POF1B: variants seen among roughly 807,000 people sequenced by gnomAD.
POF1B encodes protein POF1B.
In POF1B, 53 loss-of-function variants were observed where a neutral mutation model predicts 55.3. The ratio of observed to expected loss-of-function variants is 0.96; its 90% CI spans 0.77 to 1.20. The LOEUF is 1.20. Among genes scored for constraint, POF1B ranks in the 50% most tolerant of loss-of-function variants. The pLI is 0.00. For missense variants in POF1B, 478 were observed against 420.5 expected, an observed-to-expected ratio of 1.14 and a Z score of -1.20; for synonymous variants, 188 against 148.3, an observed-to-expected ratio of 1.27 and a Z score of -1.95.
intron 7 of POF1B, among the ~76,000 whole-genome samples, chrX:85,321,625 T>G (rs1247915430): frequency 9.4e-6 from 1 of 106,668 alleles, no homozygotes; most frequent in African/African-American, 3.5e-5. Flanking sequence ...ATAAAGGGTA[T>G]TCAATTAGGA....
intron 4 of POF1B, 96 bp from the exon 5 acceptor site, chrX:85,351,547 G>A (rs1454855785): frequency 1.1e-5 from 6 of 558,827 alleles, no homozygotes; most frequent in Non-Finnish European, 1.5e-5. Flanking sequence ...AGGCTCTGAA[G>A]TACTGGCTGA....
At chrX:85,301,204 A>T (rs1180852656) in intron 15 of POF1B, among the ~76,000 whole-genome samples, 2 of 111,638 alleles carry the variant, frequency 1.8e-5, no homozygotes, top group Non-Finnish European at 3.8e-5. Context: ...CTTGACACAT[A>T]ATAATCAAAC....
chrX:85,304,328 C>T lies in POF1B; in HGVS notation c.1566+15G>A, dbSNP rs780312675. ...TTGTATTACTTTTCTCCATCCCCAC[C>T]CCTTCCTTTTATACCTCTGACTGAC... On this transcript the variant is annotated intron_variant, in intron 14 of 16. Transcript: ENST00000262753. 1.8e-5 allele frequency: 21 copies of T among 1,167,611 alleles called. No individual in the cohort carries two copies. The highest frequency in any genetic ancestry group is 1.2e-4 in the East Asian group (4 of 32,397).
At position 85,359,566 on chromosome X, in the gene POF1B, A is replaced by G. The variant is rs765496116; in HGVS notation, c.422T>C (p.Val141Ala). Reference sequence around the variant, plus strand: ...GTGTCTTACCTGTTCAGGATTTTGTACTACATATTTCCTAATAGTGGTCTG... The same window carrying G: ...GTGTCTTACCTGTTCAGGATTTTGTGCTACATATTTCCTAATAGTGGTCTG... ...YPQTTIRKYV[V>A]QNPEQEPLSQ... The change falls in exon 4 of 17, where the codon GTA (valine) becomes GCA (alanine). Residue 141 changes from valine to alanine, a missense_variant. By Grantham distance (64) the Val-to-Ala change is moderately conservative. Transcript: ENST00000262753. 40 of 1,195,018 alleles carry G rather than the reference A, an allele frequency of 3.3e-5. No homozygotes were observed. The highest frequency in any genetic ancestry group is 4.3e-5 in the Non-Finnish European group (38 of 885,149).
intron 11 of POF1B, 85 bp from the exon 12 acceptor site, chrX:85,306,418 T>A (rs1286780991): frequency 1.0e-6 from 1 of 959,904 alleles, no homozygotes; most frequent in African/African-American, 2.0e-5. Context: ...TTCAATTGAA[T>A]CAAGTAAATA....
intron 15 of POF1B, among the ~76,000 whole-genome samples, chrX:85,289,887 G>T (rs1468255383): frequency 2.7e-5 from 3 of 111,376 alleles, no homozygotes; most frequent in Non-Finnish European, 5.7e-5. Context: ...TATAAAACTT[G>T]CAAATAAAGA....
At chrX:85,356,930 T>A (rs894782855) in intron 4 of POF1B, among the ~76,000 whole-genome samples, 2 of 111,756 alleles carry the variant, frequency 1.8e-5, no homozygotes, top group African/African-American at 6.5e-5. Context: ...GAAACTTTTT[T>A]AAAAAAGATT....
At chrX:85,379,560 G>A (rs978326734) in intron 1 of POF1B, 65 bp from the exon 2 acceptor site, 27 of 878,048 alleles carry the variant, frequency 3.1e-5, no homozygotes, top group Non-Finnish European at 4.1e-5. Flanking sequence ...CAGGCAGGCA[G>A]ACAGACACAC....
In POF1B at chrX:85,303,408, TTTAGTGGTA is replaced by T; in HGVS notation, c.1638_1646del (p.Thr547_Lys549del). 8.8e-7 allele frequency: 1 copy of T among 1,132,359 alleles called. No homozygotes were observed. Among genetic ancestry groups the T allele is most frequent in the Non-Finnish European group, 1.2e-6 (1 of 835,233 alleles). The allele number at this position is 1,132,359 out of a possible 1,213,427, so 93.3% of individuals were successfully genotyped here. A position where few individuals can be genotyped will look rare whatever the true frequency, so the allele number is the denominator to read the frequency against. On this transcript the variant is annotated inframe_deletion, in exon 15 of 17. Coordinates refer to ENST00000262753, the MANE Select transcript of POF1B (RefSeq NM_024921.4). ...AATTTCATTTAAAAATACATTACTTTTTAGTGGTAATAGTAGTCCTTCCACCAGTGGAGG... is the reference window on the plus strand; with the variant it reads ...AATTTCATTTAAAAATACATTACTTTATAGTAGTCCTTCCACCAGTGGAGG...
chrX:85,330,322 GATA>G (rs1348418851), intron 7 of POF1B, among the ~76,000 whole-genome samples: 4 of 110,430 alleles, frequency 3.6e-5, no homozygotes, highest in Non-Finnish European at 7.6e-5. Flanking sequence ...TAATGTAATA[GATA>G]ATAATATACA....
chrX:85,303,039 T>C (rs1198807897), intron 15 of POF1B, among the ~76,000 whole-genome samples: 1 of 111,590 alleles, frequency 9.0e-6, no homozygotes, highest in African/African-American at 3.2e-5. Flanking sequence ...AGGCATATTT[T>C]GAACACACAA....
chrX:85,367,667 T>G (rs1286651757), intron 3 of POF1B, 25 bp downstream of exon 3: 1 of 1,076,443 alleles, frequency 9.3e-7, no homozygotes, highest in Non-Finnish European at 1.3e-6. Context: ...GGAACAAATC[T>G]AATGTAATTC....
At chrX:85,298,819 A>G (rs73234687) in intron 15 of POF1B, among the ~76,000 whole-genome samples, 10,989 of 110,878 alleles carry the variant, frequency 0.099, 536 homozygotes, top group South Asian at 0.17. Context: ...CTGTAACCCC[A>G]ACACTTTGAG....
chrX:85,311,587 A>G (rs1006787298), intron 9 of POF1B, among the ~76,000 whole-genome samples: 2 of 111,837 alleles, frequency 1.8e-5, no homozygotes, highest in Non-Finnish European at 3.8e-5. Flanking sequence ...CTAGTCTATC[A>G]TTGATGGGCA....
chrX:85,304,068 T>C (rs1047593913), intron 14 of POF1B, among the ~76,000 whole-genome samples: 6 of 111,451 alleles, frequency 5.4e-5, no homozygotes, highest in African/African-American at 1.9e-4. Flanking sequence ...CACAGTCTAC[T>C]GGGAATTTCA....
At chrX:85,337,602 C>T (rs894794477) in intron 6 of POF1B, among the ~76,000 whole-genome samples, 4 of 111,699 alleles carry the variant, frequency 3.6e-5, no homozygotes, top group Non-Finnish European at 7.5e-5. Context: ...AGATTTTCAA[C>T]ACATGTTGTC....
chrX:85,358,660 C>T (rs1933550032), intron 4 of POF1B, among the ~76,000 whole-genome samples: 1 of 110,308 alleles, frequency 9.1e-6, no homozygotes, highest in African/African-American at 3.3e-5. Context: ...AGAAAAAAAT[C>T]ATAATGCAAC....
chrX:85,291,712 G>A (rs925870721), intron 15 of POF1B, among the ~76,000 whole-genome samples: 9 of 109,213 alleles, frequency 8.2e-5, no homozygotes, highest in African/African-American at 2.3e-4. Flanking sequence ...TTCTGATTTC[G>A]CTCTCTGCTT....
intron 13 of POF1B, among the ~76,000 whole-genome samples, chrX:85,305,583 T>G (rs1309556787): frequency 8.9e-6 from 1 of 112,017 alleles, no homozygotes; most frequent in Non-Finnish European, 1.9e-5. Flanking sequence ...TCTTTTACTT[T>G]CCTAGAAGAA....
Sources: gnomAD v4.1 joint callset for allele counts (sites outside exome capture counted in the v4.1 genomes callset) on GRCh38, gnomAD v4.1.1 for gene constraint, MANE v1.5 for transcripts, NCBI Gene and HGNC (gene_info 2026-07-23, HGNC 2026-07-21) for gene names.